Variants in WWOX observed in about 807,000 individuals in gnomAD.
WWOX encodes the protein WW domain containing oxidoreductase.
In WWOX, 69 loss-of-function variants were observed where a neutral mutation model predicts 46.2. The observed-to-expected ratio is 1.49, with a 90% CI of 1.23 to 1.82. WWOX has a LOEUF of 1.82. Among genes scored for constraint, WWOX ranks in the 40% most tolerant of loss-of-function variants. The pLI is 0.00. For synonymous variants in WWOX, 359 were observed against 202.6 expected, an observed-to-expected ratio of 1.77 and a Z score of -6.56; for missense variants, 919 against 542.6, an observed-to-expected ratio of 1.69 and a Z score of -6.89.
chr16:78,439,512 T>G (rs1316241740), intron 8 of WWOX, among the ~76,000 whole-genome samples: 1 of 152,220 alleles, frequency 6.6e-6, no homozygotes, highest in Non-Finnish European at 1.5e-5. Context: ...CTTTTAAGTT[T>G]ACAGTGCTTG....
chr16:78,957,921 A>C (rs1203790995), intron 8 of WWOX, among the ~76,000 whole-genome samples: 1 of 152,088 alleles, frequency 6.6e-6, no homozygotes, highest in Non-Finnish European at 1.5e-5. Flanking sequence ...TTGTGCAACA[A>C]CTCAATTCAC....
intron 7 of WWOX, among the ~76,000 whole-genome samples, chr16:78,429,070 T>C (rs1019116460): frequency 6.6e-6 from 1 of 152,210 alleles, no homozygotes; most frequent in African/African-American, 2.4e-5. Context: ...ACTGTAATCA[T>C]CTAATTCTGT....
At chr16:78,663,401 T>C (rs1426991643) in intron 8 of WWOX, among the ~76,000 whole-genome samples, 1 of 152,206 alleles carries the variant, frequency 6.6e-6, no homozygotes, top group Non-Finnish European at 1.5e-5. Context: ...TATCAATATA[T>C]TATACTTTGT....
intron 8 of WWOX, among the ~76,000 whole-genome samples, chr16:78,700,490 G>C (rs527395475): frequency 6.6e-6 from 1 of 152,254 alleles, no homozygotes; most frequent in African/African-American, 2.4e-5. Flanking sequence ...GGAAGAGAGA[G>C]GAACATATTC....
intron 5 of WWOX, among the ~76,000 whole-genome samples, chr16:78,217,093 C>A (rs1004465373): frequency 6.6e-6 from 1 of 152,188 alleles, no homozygotes; most frequent in African/African-American, 2.4e-5. Flanking sequence ...TCCTTTGCCA[C>A]GCAGTCTACC....
At chr16:79,018,603 C>T (rs1223767315) in intron 8 of WWOX, among the ~76,000 whole-genome samples, 3 of 152,086 alleles carry the variant, frequency 2.0e-5, no homozygotes, top group Non-Finnish European at 4.4e-5. Flanking sequence ...GAATCGAGGT[C>T]ATGTCTATAA....
In WWOX at chr16:78,539,109, T is replaced by G. The variant is rs116335566; in HGVS notation, c.1056+106357T>G. On this transcript the variant is annotated intron_variant, in intron 8 of 8. Coordinates refer to ENST00000566780, the MANE Select transcript of WWOX (RefSeq NM_016373.4). ...TCAGGAACTTGCAACCCTGATAACTTGTGCCTGCCTGTCTGTAGGCCTTTA... is the reference window on the plus strand; with the variant it reads ...TCAGGAACTTGCAACCCTGATAACTGGTGCCTGCCTGTCTGTAGGCCTTTA... Among the ~76,000 whole-genome samples, 481 of 152,352 alleles carry G rather than the reference T, an allele frequency of 3.2e-3. 2 individuals are homozygous for G. The highest frequency in any genetic ancestry group is 0.011 in the African/African-American group (438 of 41,588).
At chr16:78,560,347 A>G (rs2151556841) in intron 8 of WWOX, among the ~76,000 whole-genome samples, 1 of 152,352 alleles carries the variant, frequency 6.6e-6, no homozygotes, top group Admixed American at 6.5e-5. Context: ...ATTACCATCA[A>G]GAATAACATT....
At chr16:78,772,835 A>G (rs2050097075) in intron 8 of WWOX, among the ~76,000 whole-genome samples, 2 of 152,148 alleles carry the variant, frequency 1.3e-5, no homozygotes, top group South Asian at 2.1e-4. Flanking sequence ...CCTGGACAAC[A>G]TAGCGTGAAC....
At chr16:78,675,235 G>A (rs962026356) in intron 8 of WWOX, among the ~76,000 whole-genome samples, 10 of 152,236 alleles carry the variant, frequency 6.6e-5, no homozygotes, top group East Asian at 1.9e-4. Flanking sequence ...TCAAGATCAC[G>A]TGGAATCAAG....
intron 1 of WWOX, among the ~76,000 whole-genome samples, chr16:78,106,306 T>G (rs2032139489): frequency 6.6e-6 from 1 of 152,176 alleles, no homozygotes. Flanking sequence ...ATCTGATTGC[T>G]GTTGCCATTC....
At chr16:79,202,275 T>G (rs1428884710) in intron 8 of WWOX, among the ~76,000 whole-genome samples, 3 of 152,134 alleles carry the variant, frequency 2.0e-5, no homozygotes, top group Non-Finnish European at 4.4e-5. Context: ...CTTAGTAGTG[T>G]TGTCACTTTT....
chr16:78,779,888 A>C (rs1597597067), intron 8 of WWOX, among the ~76,000 whole-genome samples: 1 of 152,048 alleles, frequency 6.6e-6, no homozygotes, highest in South Asian at 2.1e-4. Flanking sequence ...TGCCACCTCT[A>C]CTCTTCCTGC....
chr16:78,623,420 C>G (rs754509115), intron 8 of WWOX, among the ~76,000 whole-genome samples: 2 of 152,126 alleles, frequency 1.3e-5, no homozygotes, highest in African/African-American at 4.8e-5. Context: ...TGGCTCATGC[C>G]TGTCATTCCA....
chr16:78,681,546 C>CAA (rs35341099), intron 8 of WWOX, among the ~76,000 whole-genome samples: 24,184 of 141,334 alleles, frequency 0.17, 3,791 homozygotes, highest in African/African-American at 0.43. Context: ...CCTCCATATA[C>CAA]AAAAAAAAAA....
At chr16:78,277,835 A>G (rs963765898) in intron 5 of WWOX, among the ~76,000 whole-genome samples, 1 of 152,230 alleles carries the variant, frequency 6.6e-6, no homozygotes, top group Non-Finnish European at 1.5e-5. Flanking sequence ...GAAATTTTAC[A>G]TAACAGGCAT....
In WWOX at chr16:78,548,175, A is replaced by ATTC. The variant is rs1170234902; in HGVS notation, c.1056+115423_1056+115424insTTC. Among the ~76,000 whole-genome samples, 115 of 49,506 alleles carry ATTC rather than the reference A, an allele frequency of 2.3e-3. 16 individuals are homozygous for ATTC. Among genetic ancestry groups the ATTC allele is most frequent in the Admixed American group, 4.0e-3 (14 of 3,544 alleles). 32.5% of individuals were successfully genotyped at this position (49,506 alleles called of 152,430 possible). A position where few individuals can be genotyped will look rare whatever the true frequency, so the allele number is the denominator to read the frequency against. On this transcript the variant is annotated intron_variant, in intron 8 of 8. Coordinates refer to ENST00000566780, the MANE Select transcript of WWOX (RefSeq NM_016373.4). Reference sequence around the variant, plus strand: ...CTCAAAAAAAAAAAAAAAAAAAAAAAAAATTACGAATTTTGCGAGGACGCA... The same window carrying ATTC: ...CTCAAAAAAAAAAAAAAAAAAAAAAATTCAAATTACGAATTTTGCGAGGACGCA...
intron 8 of WWOX, among the ~76,000 whole-genome samples, chr16:78,641,757 A>G (rs897320902): frequency 6.6e-6 from 1 of 152,186 alleles, no homozygotes; most frequent in Non-Finnish European, 1.5e-5. Context: ...ACGAAGACTA[A>G]TTACCTGACA....
chr16:79,045,780 C>CTTTCTTTTTTTTTTTT (rs2048053509), intron 8 of WWOX, among the ~76,000 whole-genome samples: 1 of 54,226 alleles, frequency 1.8e-5, no homozygotes, highest in African/African-American at 5.4e-5. Context: ...TTTTCTTTTC[C>CTTTCTTTTTTTTTTTT]TTTTTTTTTT....
Sources: gnomAD v4.1 joint callset for allele counts (sites outside exome capture counted in the v4.1 genomes callset) on GRCh38, gnomAD v4.1.1 for gene constraint, MANE v1.5 for transcripts, NCBI Gene and HGNC (gene_info 2026-07-23, HGNC 2026-07-21) for gene names.